The following SPTBN1 variants were observed in gnomAD, a reference collection of about 807,000 sequenced individuals.
SPTBN1 encodes the protein spectrin beta, non-erythrocytic 1, also known as spectrin beta chain, non-erythrocytic 1.
A neutral mutation model predicts 266.4 loss-of-function variants in SPTBN1; 32 were observed. That is an observed-to-expected ratio of 0.12 (90% CI 0.09 to 0.16). The LOEUF is 0.16. Ranked by LOEUF, SPTBN1 falls within the 10% of genes least tolerant of loss-of-function variation. The pLI is 1.00. For missense variants in SPTBN1, 2,296 were observed against 3,067.1 expected, an observed-to-expected ratio of 0.75 and a Z score of 5.94; for synonymous variants, 1,336 against 1,162.2, an observed-to-expected ratio of 1.15 and a Z score of -3.04.
intron 1 of SPTBN1, among the ~76,000 whole-genome samples, chr2:54,495,434 C>G (rs1336137998): frequency 6.6e-6 from 1 of 152,158 alleles, no homozygotes. Flanking sequence ...CTAGACAGTT[C>G]TGCGTTGTCC....
intron 1 of SPTBN1, among the ~76,000 whole-genome samples, chr2:54,516,800 T>C (rs1357766282): frequency 2.0e-5 from 3 of 152,230 alleles, no homozygotes; most frequent in African/African-American, 7.2e-5. Context: ...TGATAACATG[T>C]GCCCAAGGTG....
intron 1 of SPTBN1, among the ~76,000 whole-genome samples, chr2:54,463,109 G>A (rs1693451124): frequency 6.6e-6 from 1 of 152,162 alleles, no homozygotes; most frequent in Admixed American, 6.5e-5. Context: ...AGAAGTAAAG[G>A]GAGCAAGTTA....
At chr2:54,505,463 C>T (rs931729110) in intron 1 of SPTBN1, among the ~76,000 whole-genome samples, 3 of 152,154 alleles carry the variant, frequency 2.0e-5, no homozygotes, top group Non-Finnish European at 2.9e-5. Context: ...ATTTTTGGAG[C>T]GCTCTAGCTG....
intron 3 of SPTBN1, among the ~76,000 whole-genome samples, chr2:54,608,011 A>G (rs1676962607): frequency 6.6e-6 from 1 of 152,206 alleles, no homozygotes. Context: ...CCAGGGGAAG[A>G]GCAGGGAATG....
chr2:54,464,084 G>GA (rs1382867848), intron 1 of SPTBN1, among the ~76,000 whole-genome samples: 4 of 152,176 alleles, frequency 2.6e-5, no homozygotes, highest in South Asian at 2.1e-4. Context: ...CACCTGTTGA[G>GA]AGCATATTTT....
At chr2:54,579,685 C>A (rs961496456) in intron 2 of SPTBN1, among the ~76,000 whole-genome samples, 5 of 152,208 alleles carry the variant, frequency 3.3e-5, no homozygotes, top group Non-Finnish European at 7.3e-5. Flanking sequence ...GTCCCGAGAA[C>A]TCCTGTTGAC....
At chr2:54,486,019 G>T (rs1395080754) in intron 1 of SPTBN1, among the ~76,000 whole-genome samples, 1 of 148,366 alleles carries the variant, frequency 6.7e-6, no homozygotes, top group East Asian at 2.0e-4. Flanking sequence ...GGAGGTGAGG[G>T]GCGCCTCTGC....
In SPTBN1 at chr2:54,633,831, A is replaced by C. The variant is rs374799419; in HGVS notation, c.3767+1063A>C. 1.3e-3 allele frequency among the ~76,000 whole-genome samples: 195 copies of C among 152,348 alleles called. 4 individuals carry two copies. The South Asian group carries it at 0.036, about 28-fold the overall frequency. ...GTGGAGAGGGGATTACTCTGTTTCC[A>C]ATAAAGATTGAGCTCCTGTCTTTAC... On this transcript the variant is annotated intron_variant, in intron 17 of 35. Transcript: ENST00000356805.
At chr2:54,538,178 C>A (rs1671721198) in intron 2 of SPTBN1, among the ~76,000 whole-genome samples, 1 of 152,086 alleles carries the variant, frequency 6.6e-6, no homozygotes, top group Admixed American at 6.5e-5. Context: ...TTTGAATAAA[C>A]AAAATTAACA....
Position 54,645,273 on chromosome 2 carries a change from G to A in SPTBN1, c.4314G>A (p.Glu1438=). The A allele has an allele frequency of 6.2e-7, 1 of 1,614,212 alleles. No homozygotes were observed. Among genetic ancestry groups the A allele is most frequent in the Non-Finnish European group, 8.5e-7 (1 of 1,180,038 alleles). Residue 1438 remains glutamate, a synonymous_variant, in exon 21 of 36, where the codon GAG becomes GAA. Transcript: ENST00000356805. This position sits in a 1 kb window ranked among gnomAD's most constrained non-coding sequence, Gnocchi z 4.3. ...AAGTGCGGAAGAAGGAGATCGAAGA[G>A]CTCCAAAGCCAAGCCCAGGCCCTGA... is the stretch of plus-strand genomic sequence containing the variant. ...QMEVRKKEIE[E]LQSQAQALSQ...
intron 2 of SPTBN1, among the ~76,000 whole-genome samples, chr2:54,567,821 T>A (rs1267440034): frequency 6.6e-6 from 1 of 152,182 alleles, no homozygotes; most frequent in Non-Finnish European, 1.5e-5. Context: ...TGACTGCTGG[T>A]ATGATGATCG....
At chr2:54,522,929 G>C (rs374830501) in intron 1 of SPTBN1, among the ~76,000 whole-genome samples, 1 of 152,086 alleles carries the variant, frequency 6.6e-6, no homozygotes, top group Non-Finnish European at 1.5e-5. Flanking sequence ...GGAGAGGCAT[G>C]CCTTGCTTGG....
intron 1 of SPTBN1, among the ~76,000 whole-genome samples, chr2:54,508,430 A>C (rs2104191294): frequency 6.6e-6 from 1 of 152,260 alleles, no homozygotes; most frequent in Non-Finnish European, 1.5e-5. Flanking sequence ...ATTCTTGAGG[A>C]GTAGTAGAAT....
At chr2:54,530,819 G>C (rs1420581021) in intron 2 of SPTBN1, among the ~76,000 whole-genome samples, 1 of 152,166 alleles carries the variant, frequency 6.6e-6, no homozygotes, top group Non-Finnish European at 1.5e-5. Flanking sequence ...CGAGTGATGG[G>C]AGTGTCTTTT....
At chr2:54,539,165 G>C (rs550838721) in intron 2 of SPTBN1, among the ~76,000 whole-genome samples, 11 of 152,168 alleles carry the variant, frequency 7.2e-5, no homozygotes, top group Non-Finnish European at 1.5e-4. Context: ...GACAGTGACA[G>C]TGGTAACATT....
Position 54,646,359 on chromosome 2 carries a change from C to T in SPTBN1, c.4750C>T (p.Arg1584Cys), listed in dbSNP as rs759724010. ...TCTCCTCATTGAGGAGACAGAGAAA[C>T]GCCACAGGCGGCTGGAGGAGGCGCA... Reference protein sequence around the residue: ...WGLLIEETEKRHRRLEEAHRA... With the variant: ...WGLLIEETEKCHRRLEEAHRA... Residue 1584 changes from arginine (R) to cysteine (C), a missense_variant, in exon 23 of 36, where the codon CGC becomes TGC. Coordinates refer to ENST00000356805, the MANE Select transcript of SPTBN1 (RefSeq NM_003128.3). The surrounding 1 kb of genome is among the most constrained non-coding windows in gnomAD (Gnocchi z 4.4). 3.1e-6 allele frequency: 5 copies of T among 1,613,802 alleles called. No individual in the cohort carries two copies. The highest frequency in any genetic ancestry group is 4.2e-6 in the Non-Finnish European group (5 of 1,179,838).
intron 1 of SPTBN1, among the ~76,000 whole-genome samples, chr2:54,476,138 G>A (rs1213327225): frequency 3.3e-5 from 5 of 149,962 alleles, no homozygotes; most frequent in East Asian, 2.0e-4. Context: ...TCACAGATGC[G>A]TATTTTCCAC....
intron 2 of SPTBN1, chr2:54,528,190 T>C (rs556086779): frequency 6.5e-6 from 1 of 152,752 alleles, no homozygotes; most frequent in East Asian, 1.9e-4. Context: ...TCTCACCTCT[T>C]TTTCTTGTAT....
chr2:54,578,468 G>T lies in SPTBN1; in HGVS notation c.149-20624G>T, dbSNP rs561650071. On this transcript the variant is annotated intron_variant, in intron 2 of 35. Coordinates refer to ENST00000356805, the MANE Select transcript of SPTBN1 (RefSeq NM_003128.3). The stretch of plus-strand genomic sequence containing the variant: ...CTGTTTCCGGTTAGCTGCTGCTGCT[G>T]CTGCTGCTGCCAAGTATAAGTGAAG... Among the ~76,000 whole-genome samples, 40 of 152,294 alleles carry T rather than the reference G, an allele frequency of 2.6e-4. 1 individual carries two copies. The East Asian group carries it at 7.5e-3, about 29-fold the overall frequency.
Sources: allele counts gnomAD v4.1 joint callset (sites outside exome capture counted in the v4.1 genomes callset), GRCh38; gene constraint gnomAD v4.1.1; non-coding constraint Gnocchi (gnomAD v3.1); transcripts MANE v1.5; gene names NCBI Gene and HGNC (gene_info 2026-07-23, HGNC 2026-07-21).